Variants in CPZ observed in about 807,000 individuals in gnomAD.
The protein encoded by CPZ is carboxypeptidase Z.
In CPZ, 103 loss-of-function variants were observed where a neutral mutation model predicts 61.8. The ratio of observed to expected loss-of-function variants is 1.67; its 90% CI spans 1.42 to 1.96. CPZ has a LOEUF of 1.96. CPZ is among the 30% of genes most tolerant of loss of function. The pLI, the probability that CPZ is intolerant of heterozygous loss-of-function variation, is 0.00. For synonymous variants in CPZ, 551 were observed against 373.7 expected (o/e 1.47, Z -5.47); for missense variants, 1,461 against 914.9 (o/e 1.60, Z -7.70).
intron 6 of CPZ, 98 bp from the exon 7 acceptor site, chr4:8,607,169 T>C (rs1191884292): frequency 1.4e-6 from 2 of 1,401,314 alleles, no homozygotes; most frequent in Middle Eastern, 2.5e-4. Flanking sequence ...GTTAATAGTC[T>C]GCACCATTGG....
rs532080443 is a variant in CPZ at position 8,612,867 on chromosome 4, C to T, written c.1363+705C>T. On this transcript the variant is annotated intron_variant, in intron 8 of 10. Transcript: ENST00000360986. ...CCACAGGTGGCAGAGCCAGGACCCA[C>T]GTGGCATCCCCTTCTGCCCCCTCTT... is the stretch of plus-strand genomic sequence containing the variant. Among the ~76,000 whole-genome samples the T allele has an allele frequency of 5.1e-3, 776 of 152,350 alleles. 9 individuals carry two copies. Among genetic ancestry groups the T allele is most frequent in the African/African-American group, 0.015 (626 of 41,582 alleles).
chr4:8,616,027 A>G lies in CPZ; in HGVS notation c.1503+1529A>G, dbSNP rs112390342. 2.5e-3 allele frequency among the ~76,000 whole-genome samples: 383 copies of G among 152,262 alleles called. 2 individuals are homozygous for G. The highest frequency in any genetic ancestry group is 4.5e-3 in the Non-Finnish European group (307 of 68,014). ...TGCATTTTGCGGCTGTCTGATGAACATGAGGTTGAAGGAGCCTCGGATGTG... is the reference window on the plus strand; with the variant it reads ...TGCATTTTGCGGCTGTCTGATGAACGTGAGGTTGAAGGAGCCTCGGATGTG... On this transcript the variant is annotated intron_variant, in intron 9 of 10. Coordinates refer to ENST00000360986, the MANE Select transcript of CPZ (RefSeq NM_001014447.3).
intron 10 of CPZ, 131 bp downstream of exon 10, chr4:8,618,659 G>A: frequency 1.2e-6 from 1 of 840,510 alleles, no homozygotes. Context: ...TCCCCAGGCT[G>A]GCTGGGTCGG....
At position 8,603,852 on chromosome 4, in the gene CPZ, G is replaced by C. The variant is rs939364510; in HGVS notation, c.497-124G>C. 3 of 803,452 alleles carry C rather than the reference G, an allele frequency of 3.7e-6. No individual in the cohort carries two copies. In the African/African-American group the frequency reaches 5.1e-5, roughly 14 times the overall value. The allele number at this position is 803,452 out of a possible 1,614,324, so 49.8% of individuals were successfully genotyped here. A position where few individuals can be genotyped will look rare whatever the true frequency, so the allele number is the denominator to read the frequency against. On this transcript the variant is annotated intron_variant, in intron 3 of 10. Transcript: ENST00000360986. The stretch of plus-strand genomic sequence containing the variant: ...GCAGAGGGAACTCTAATTAAAGATA[G>C]AGATGTCCAAGCATGGCTGTCGTGC...
intron 4 of CPZ, 94 bp from the exon 5 acceptor site, chr4:8,605,895 C>T: frequency 8.0e-7 from 1 of 1,250,272 alleles, no homozygotes; most frequent in Non-Finnish European, 1.1e-6. Context: ...TTGGTCCCAG[C>T]CCATCTGGTC....
chr4:8,614,275 TCTCTGTGCGGCTGA>T (rs1486041085), intron 8 of CPZ, 70 bp from the exon 9 acceptor site: 1 of 1,478,542 alleles, frequency 6.8e-7, no homozygotes, highest in Non-Finnish European at 9.1e-7. Context: ...GTCCCGGCTG[TCTCTGTGCGGCTGA>T]CACCCCTGAC....
rs140275809 is a variant in CPZ at position 8,614,510 on chromosome 4, C to T, written c.1503+12C>T. ...ATTTCGTGGAGACGGTGAGTTCTGACGGTCTCAGGGCTCTGGTCCAGCTGT... is the reference window on the plus strand; with the variant it reads ...ATTTCGTGGAGACGGTGAGTTCTGATGGTCTCAGGGCTCTGGTCCAGCTGT... On this transcript the variant is annotated intron_variant, in intron 9 of 10. Coordinates refer to ENST00000360986, the MANE Select transcript of CPZ (RefSeq NM_001014447.3). The T allele has an allele frequency of 9.9e-5, 160 of 1,611,550 alleles. No individual in the cohort carries two copies. Among genetic ancestry groups the T allele is most frequent in the African/African-American group, 8.3e-4 (62 of 75,044 alleles).
At chr4:8,616,683 C>G (rs951544551) in intron 9 of CPZ, among the ~76,000 whole-genome samples, 10 of 152,154 alleles carry the variant, frequency 6.6e-5, no homozygotes, top group Non-Finnish European at 1.5e-4. Context: ...TGAGGAGGAG[C>G]CACAGGGTGG....
At chr4:8,606,214 G>A in intron 5 of CPZ, 29 bp downstream of exon 5, 1 of 1,596,610 alleles carries the variant, frequency 6.3e-7, no homozygotes, top group Non-Finnish European at 8.5e-7. Context: ...GGATCCTGTG[G>A]GCCACCGCCC....
intron 7 of CPZ, chr4:8,611,071 CTCATTCAT>C (rs1450649797): frequency 3.6e-5 from 13 of 361,110 alleles, no homozygotes; most frequent in Middle Eastern, 4.0e-4. Context: ...CACTCATTCA[CTCATTCAT>C]TCGCTCATTC....
chr4:8,608,762 G>A (rs751007322), intron 7 of CPZ, among the ~76,000 whole-genome samples: 28 of 151,174 alleles, frequency 1.9e-4, no homozygotes, highest in Non-Finnish European at 1.8e-4. Flanking sequence ...CTCCACAGGT[G>A]AGGTAGAGAT....
Position 8,619,622 on chromosome 4 carries a change from G to T in CPZ, c.*5G>T. 6.7e-7 allele frequency: 1 copy of T among 1,483,762 alleles called. No individual in the cohort carries two copies. The highest frequency in any genetic ancestry group is 1.4e-5 in the South Asian group (1 of 69,686). 91.9% of individuals were successfully genotyped at this position (1,483,762 alleles called of 1,614,324 possible). A position where few individuals can be genotyped will look rare whatever the true frequency, so the allele number is the denominator to read the frequency against. ...CGCTGGCTGCTCAAGTACTAGCCCCGGCCCCAGCACCCGCCAGGATGTGGA... is the reference window on the plus strand; with the variant it reads ...CGCTGGCTGCTCAAGTACTAGCCCCTGCCCCAGCACCCGCCAGGATGTGGA... On this transcript the variant is annotated 3_prime_UTR_variant, in exon 11 of 11. Transcript: ENST00000360986.
chr4:8,615,133 G>A (rs1001041612), intron 9 of CPZ, among the ~76,000 whole-genome samples: 9 of 152,198 alleles, frequency 5.9e-5, no homozygotes, highest in East Asian at 1.9e-4. Context: ...GGCTGGGGGC[G>A]GGGCAGGGCG....
rs541275351 is a variant in CPZ, at chr4:8,601,638, G to A, written c.496+141G>A. On this transcript the variant is annotated intron_variant, in intron 3 of 10. Transcript: ENST00000360986. ...TTGGTAGAGGGCGGGGCTGCTCCCCGAGGCAGCATGTTCCCCACAAAAGGG... is the reference window on the plus strand; with the variant it reads ...TTGGTAGAGGGCGGGGCTGCTCCCCAAGGCAGCATGTTCCCCACAAAAGGG... The A allele has an allele frequency of 6.6e-6, 6 of 912,514 alleles. No homozygotes were observed. The East Asian group carries it at 1.2e-4, about 18-fold the overall frequency. 56.5% of individuals were successfully genotyped at this position (912,514 alleles called of 1,614,324 possible). A position where few individuals can be genotyped will look rare whatever the true frequency, so the allele number is the denominator to read the frequency against.
chr4:8,598,382 G>A (rs1478488894), intron 1 of CPZ, among the ~76,000 whole-genome samples: 1 of 152,216 alleles, frequency 6.6e-6, no homozygotes, highest in African/African-American at 2.4e-5. Context: ...CCAGATCCTA[G>A]GGTGAGCTCC....
intron 7 of CPZ, among the ~76,000 whole-genome samples, chr4:8,610,641 G>C (rs981386474): frequency 2.0e-5 from 3 of 152,218 alleles, no homozygotes; most frequent in Non-Finnish European, 2.9e-5. Context: ...TGGACCGTTT[G>C]TTGGATGTGA....
chr4:8,609,065 TCACTCACC>T (rs1560297739), intron 7 of CPZ, among the ~76,000 whole-genome samples: 90 of 112,678 alleles, frequency 8.0e-4, no homozygotes, highest in African/African-American at 2.7e-3. Context: ...CCTCACTCCC[TCACTCACC>T]ACTCATACAT....
chr4:8,600,869 C>G, intron 2 of CPZ: 1 of 1,183,968 alleles, frequency 8.4e-7, no homozygotes, highest in East Asian at 3.3e-5. Flanking sequence ...GATGGAGACG[C>G]CGAGGCTCAG....
intron 9 of CPZ, among the ~76,000 whole-genome samples, chr4:8,616,748 C>T (rs1283816754): frequency 6.6e-6 from 1 of 152,202 alleles, no homozygotes; most frequent in Non-Finnish European, 1.5e-5. Context: ...TTCATCACCT[C>T]TCATGCAGGA....
Sources: gnomAD v4.1 joint callset for allele counts (sites outside exome capture counted in the v4.1 genomes callset) on GRCh38, gnomAD v4.1.1 for gene constraint, MANE v1.5 for transcripts, NCBI Gene and HGNC (gene_info 2026-07-23, HGNC 2026-07-21) for gene names.